ASTN2: variants seen among roughly 807,000 people sequenced by gnomAD.
ASTN2 encodes the protein astrotactin-2.
ASTN2 carries 54 observed loss-of-function variants against 139.8 expected under a neutral mutation model. That is an observed-to-expected ratio of 0.39 (90% CI 0.31 to 0.48). The LOEUF (loss-of-function observed/expected upper bound fraction) is 0.48. ASTN2 is among the 20% of genes least tolerant of loss of function. The probability of loss-of-function intolerance (pLI) is 0.95; values close to 1 mark genes in which losing one functional copy is unlikely to be tolerated. For missense variants in ASTN2, 1,565 were observed against 1,725.1 expected (o/e 0.91, Z 1.64); for synonymous variants, 756 against 719.5 (o/e 1.05, Z -0.81).
intron 2 of ASTN2, among the ~76,000 whole-genome samples, chr9:117,230,718 G>T (rs1262169066): frequency 6.6e-6 from 1 of 152,148 alleles, no homozygotes; most frequent in African/African-American, 2.4e-5. Flanking sequence ...AAGAGAGAAT[G>T]AAAATAAGAC....
chr9:117,003,583 A>G (rs1458015806), intron 7 of ASTN2, among the ~76,000 whole-genome samples: 3 of 56,950 alleles, frequency 5.3e-5, no homozygotes, highest in African/African-American at 5.0e-5. Context: ...TTGGTGGAAG[A>G]GTGCCTTATT....
chr9:116,525,368 C>G (rs1231396727), intron 19 of ASTN2, among the ~76,000 whole-genome samples: 1 of 152,212 alleles, frequency 6.6e-6, no homozygotes, highest in Non-Finnish European at 1.5e-5. Flanking sequence ...GCCCTCCCAA[C>G]AGAGCGTAGG....
In ASTN2 at chr9:116,590,800, T is replaced by C. The variant is rs781253558; in HGVS notation, c.3355+27524A>G. 3.9e-5 allele frequency among the ~76,000 whole-genome samples: 6 copies of C among 152,262 alleles called. No homozygotes were observed. In the East Asian group the frequency reaches 7.7e-4, roughly 20 times the overall value. On this transcript the variant is annotated intron_variant, in intron 19 of 22. Coordinates refer to ENST00000313400, the MANE Select transcript of ASTN2 (RefSeq NM_001365068.1). ...GATGTCAGGACTATCAGCTGCAGGATTGAGCTACCCAGGAAGGAGCTTTGG... is the reference window on the plus strand; with the variant it reads ...GATGTCAGGACTATCAGCTGCAGGACTGAGCTACCCAGGAAGGAGCTTTGG...
chr9:116,746,699 C>A (rs568956868), intron 13 of ASTN2, among the ~76,000 whole-genome samples: 1 of 152,166 alleles, frequency 6.6e-6, no homozygotes, highest in South Asian at 2.1e-4. Context: ...TTTGTCAATG[C>A]CCCTCTTTTC....
At chr9:116,577,655 T>G (rs961587898) in intron 19 of ASTN2, among the ~76,000 whole-genome samples, 1 of 152,224 alleles carries the variant, frequency 6.6e-6, no homozygotes, top group African/African-American at 2.4e-5. Context: ...GAACTAATCC[T>G]GTGAAAAGTA....
Position 116,462,788 on chromosome 9 carries a change from ATGTGTGTGTGTGTG to A in ASTN2, c.3498-20249_3498-20236del, listed in dbSNP as rs55926547. ...CTTTAAGGGTAAGTGTTGGGTGAGC[ATGTGTGTGTGTGTG>A]TGTGTGTGTGTGTGTGTGTGTGTGT... is the stretch of plus-strand genomic sequence containing the variant. On this transcript the variant is annotated intron_variant, in intron 20 of 22. Coordinates refer to ENST00000313400, the MANE Select transcript of ASTN2 (RefSeq NM_001365068.1). Among the ~76,000 whole-genome samples, 71 of 146,176 alleles carry A rather than the reference ATGTGTGTGTGTGTG, an allele frequency of 4.9e-4. 1 individual carries two copies. The highest frequency in any genetic ancestry group is 1.6e-3 in the South Asian group (7 of 4,464).
chr9:116,503,393 G>T (rs1321042323), intron 19 of ASTN2, among the ~76,000 whole-genome samples: 2 of 151,912 alleles, frequency 1.3e-5, no homozygotes, highest in Non-Finnish European at 2.9e-5. Flanking sequence ...ACATATAGAG[G>T]TTTTCACTCT....
chr9:116,782,656 T>C (rs1830249504), intron 13 of ASTN2, among the ~76,000 whole-genome samples: 1 of 152,130 alleles, frequency 6.6e-6, no homozygotes, highest in Admixed American at 6.5e-5. Context: ...CTGACTTGGG[T>C]TCCCTTTGGT....
At chr9:116,831,821 T>C (rs890832484) in intron 11 of ASTN2, among the ~76,000 whole-genome samples, 1 of 152,212 alleles carries the variant, frequency 6.6e-6, no homozygotes. Flanking sequence ...GAGGTTTTGA[T>C]AGGAATTATA....
chr9:117,195,204 G>C (rs1831464687), intron 3 of ASTN2, among the ~76,000 whole-genome samples: 1 of 152,202 alleles, frequency 6.6e-6, no homozygotes, highest in Non-Finnish European at 1.5e-5. Flanking sequence ...AGAGAAAAGA[G>C]GTTTGTCTGA....
rs1376062376 is a variant in ASTN2 at position 116,462,787 on chromosome 9, C to CGTGTGTGTGTGTGTGT, written c.3498-20235_3498-20234insACACACACACACACAC. ...TCTTTAAGGGTAAGTGTTGGGTGAG[C>CGTGTGTGTGTGTGTGT]ATGTGTGTGTGTGTGTGTGTGTGTG... On this transcript the variant is annotated intron_variant, in intron 20 of 22. Coordinates refer to ENST00000313400, the MANE Select transcript of ASTN2 (RefSeq NM_001365068.1). 2.2e-3 allele frequency among the ~76,000 whole-genome samples: 210 copies of CGTGTGTGTGTGTGTGT among 97,630 alleles called. 12 individuals are homozygous for CGTGTGTGTGTGTGTGT. The South Asian group carries it at 0.044, about 21-fold the overall frequency. The allele number at this position is 97,630 out of a possible 152,430, so 64.0% of individuals were successfully genotyped here. A position where few individuals can be genotyped will look rare whatever the true frequency, so the allele number is the denominator to read the frequency against.
At chr9:117,280,610 T>G (rs1834302567) in intron 2 of ASTN2, among the ~76,000 whole-genome samples, 2 of 152,134 alleles carry the variant, frequency 1.3e-5, no homozygotes, top group African/African-American at 2.4e-5. Context: ...CAAGACAGGA[T>G]TCTCCCTTCG....
chr9:116,889,408 GCA>G (rs891130855), intron 10 of ASTN2, among the ~76,000 whole-genome samples: 1 of 152,056 alleles, frequency 6.6e-6, no homozygotes, highest in Non-Finnish European at 1.5e-5. Context: ...TTCAACACAG[GCA>G]CAGCAGTGAA....
intron 10 of ASTN2, among the ~76,000 whole-genome samples, chr9:116,925,867 C>A (rs917456004): frequency 5.2e-4 from 78 of 149,758 alleles, no homozygotes; most frequent in African/African-American, 1.6e-3. Flanking sequence ...ACACAACACA[C>A]ACACACACAC....
chr9:117,336,266 T>A (rs539752185), intron 1 of ASTN2, among the ~76,000 whole-genome samples: 1 of 152,228 alleles, frequency 6.6e-6, no homozygotes, highest in South Asian at 2.1e-4. Flanking sequence ...TAATCCTTTG[T>A]AAGATGTCAC....
chr9:117,223,987 T>C (rs537671020), intron 2 of ASTN2, among the ~76,000 whole-genome samples: 15 of 152,334 alleles, frequency 9.8e-5, no homozygotes, highest in Middle Eastern at 3.4e-3. Context: ...TTGGAATGCA[T>C]TCACCTTCCA....
Position 116,423,158 on chromosome 9 carries a change from CCCAA to C in ASTN2, c.*2689_*2692del, listed in dbSNP as rs1185496931. ...TTTAATCAGAATTCTCTAGGTCTTT[CCCAA>C]CCAGATTTTCCTGGATGTCTGCCCA... On this transcript the variant is annotated 3_prime_UTR_variant, in exon 23 of 23. Transcript: ENST00000313400. Among the ~76,000 whole-genome samples the C allele has an allele frequency of 5.9e-5, 9 of 152,106 alleles. No individual in the cohort carries two copies. Among genetic ancestry groups the C allele is most frequent in the Non-Finnish European group, 1.3e-4 (9 of 68,024 alleles).
chr9:116,531,132 G>C (rs1851323484), intron 19 of ASTN2, among the ~76,000 whole-genome samples: 1 of 152,156 alleles, frequency 6.6e-6, no homozygotes, highest in Non-Finnish European at 1.5e-5. Context: ...GGCATAGTCT[G>C]TGTTCTCATT....
At chr9:116,932,682 C>T (rs1037868530) in intron 10 of ASTN2, among the ~76,000 whole-genome samples, 1 of 152,044 alleles carries the variant, frequency 6.6e-6, no homozygotes, top group Admixed American at 6.6e-5. Flanking sequence ...CATGCAGGAG[C>T]CATTCAGTTC....
Sources: allele counts gnomAD v4.1 joint callset (sites outside exome capture counted in the v4.1 genomes callset), GRCh38; gene constraint gnomAD v4.1.1; transcripts MANE v1.5; gene names NCBI Gene and HGNC (gene_info 2026-07-23, HGNC 2026-07-21).